Variants in HS6ST3 observed in about 807,000 individuals in gnomAD.
The protein encoded by HS6ST3 is heparan-sulfate 6-O-sulfotransferase 3.
Under a neutral mutation model 36.7 loss-of-function variants are expected in HS6ST3, and 12 were observed. That is an observed-to-expected ratio of 0.33 (90% CI 0.21 to 0.53). The LOEUF is 0.53. Ranked by LOEUF, HS6ST3 falls within the 20% of genes least tolerant of loss-of-function variation. HS6ST3 has a pLI of 0.95. For synonymous variants in HS6ST3, 240 were observed against 257.5 expected, an observed-to-expected ratio of 0.93 and a Z score of 0.65; for missense variants, 584 against 640.9, an observed-to-expected ratio of 0.91 and a Z score of 0.96.
At chr13:96,230,949 A>C (rs1346099807) in intron 1 of HS6ST3, among the ~76,000 whole-genome samples, 1 of 152,094 alleles carries the variant, frequency 6.6e-6, no homozygotes, top group Non-Finnish European at 1.5e-5. Flanking sequence ...AAATTGACAA[A>C]TATAGTGGTT....
At chr13:96,472,161 C>A (rs2055843026) in intron 1 of HS6ST3, among the ~76,000 whole-genome samples, 2 of 152,176 alleles carry the variant, frequency 1.3e-5, no homozygotes, top group Non-Finnish European at 2.9e-5. Context: ...ATTGCAAGTT[C>A]CTCTGGCAGT....
intron 1 of HS6ST3, among the ~76,000 whole-genome samples, chr13:96,220,715 G>A (rs767353307): frequency 3.3e-5 from 5 of 152,126 alleles, no homozygotes; most frequent in African/African-American, 7.2e-5. Context: ...TTAGATGGCT[G>A]AGCCCTATGA....
chr13:96,405,771 C>T (rs2055475241), intron 1 of HS6ST3, among the ~76,000 whole-genome samples: 1 of 152,142 alleles, frequency 6.6e-6, no homozygotes, highest in African/African-American at 2.4e-5. Context: ...GACAGGTTTG[C>T]AAGAACAGTA....
At chr13:96,372,549 T>C (rs1296664007) in intron 1 of HS6ST3, among the ~76,000 whole-genome samples, 1 of 152,140 alleles carries the variant, frequency 6.6e-6, no homozygotes, top group Non-Finnish European at 1.5e-5. Flanking sequence ...TCCAAAAAAA[T>C]GTATTGCCCA....
intron 1 of HS6ST3, among the ~76,000 whole-genome samples, chr13:96,096,424 T>A (rs2053791406): frequency 6.6e-6 from 1 of 152,236 alleles, no homozygotes; most frequent in African/African-American, 2.4e-5. Flanking sequence ...GGGGAAAGGG[T>A]TAGCCTGGAT....
chr13:96,174,143 A>G (rs16951620), intron 1 of HS6ST3, among the ~76,000 whole-genome samples: 3,964 of 152,274 alleles, frequency 0.026, 66 homozygotes, highest in East Asian at 0.056. Context: ...TTTATTTCCA[A>G]TGCAACTATT....
chr13:96,696,627 G>C (rs1455974830), intron 1 of HS6ST3, among the ~76,000 whole-genome samples: 1 of 152,172 alleles, frequency 6.6e-6, no homozygotes, highest in Non-Finnish European at 1.5e-5. Flanking sequence ...GTGTGTTTCC[G>C]GGAGGTCTGT....
chr13:96,141,814 A>C (rs937763284), intron 1 of HS6ST3, among the ~76,000 whole-genome samples: 3 of 152,154 alleles, frequency 2.0e-5, no homozygotes, highest in Admixed American at 2.0e-4. Context: ...TATGGAAAGA[A>C]TTGTCAACAC....
chr13:96,731,815 C>A (rs906048096), intron 1 of HS6ST3, among the ~76,000 whole-genome samples: 3 of 151,880 alleles, frequency 2.0e-5, no homozygotes, highest in African/African-American at 7.3e-5. Context: ...ACCACCACAC[C>A]CAGCTAAATG....
Position 96,534,099 on chromosome 13 carries a change from A to G in HS6ST3, c.708-298391A>G, listed in dbSNP as rs963063541. ...CTCAGACTCCAAGTTAGGGGGAAAT[A>G]AGACCACAGACACAGTTTTGTGGAC... On this transcript the variant is annotated intron_variant, in intron 1 of 1. Coordinates refer to ENST00000376705, the MANE Select transcript of HS6ST3 (RefSeq NM_153456.4). Among the ~76,000 whole-genome samples, 6 of 152,336 alleles carry G rather than the reference A, an allele frequency of 3.9e-5. No individual in the cohort carries two copies. In the East Asian group the frequency reaches 7.7e-4, roughly 20 times the overall value.
chr13:96,697,028 G>A (rs1421579309), intron 1 of HS6ST3, among the ~76,000 whole-genome samples: 4 of 151,886 alleles, frequency 2.6e-5, no homozygotes, highest in Admixed American at 6.6e-5. Context: ...CAGAAAATTC[G>A]GGAAACAGAT....
At chr13:96,319,760 G>T (rs938129061) in intron 1 of HS6ST3, among the ~76,000 whole-genome samples, 2 of 152,162 alleles carry the variant, frequency 1.3e-5, no homozygotes, top group Non-Finnish European at 2.9e-5. Context: ...TATGACTTTT[G>T]CAGGTGCATT....
rs547094846 is a variant in HS6ST3, at chr13:96,196,825, A to G, written c.707+105256A>G. On this transcript the variant is annotated intron_variant, in intron 1 of 1. Coordinates refer to ENST00000376705, the MANE Select transcript of HS6ST3 (RefSeq NM_153456.4). ...AAGACCCCACTATTTAGCTACTGAT[A>G]TTGCCATAGGGCAGAGAGATTTATT... is the stretch of plus-strand genomic sequence containing the variant. 6.6e-5 allele frequency among the ~76,000 whole-genome samples: 10 copies of G among 152,348 alleles called. No homozygotes were observed. In the East Asian group the frequency reaches 1.9e-3, roughly 29 times the overall value.
chr13:96,689,606 C>CTTTCTTTCTT (rs547289756), intron 1 of HS6ST3, among the ~76,000 whole-genome samples: 2 of 101,232 alleles, frequency 2.0e-5, no homozygotes, highest in African/African-American at 7.8e-5. Context: ...TTCTTTCTTT[C>CTTTCTTTCTT]TTTTTTTTTT....
chr13:96,410,960 C>A (rs1392756903), intron 1 of HS6ST3, among the ~76,000 whole-genome samples: 1 of 151,954 alleles, frequency 6.6e-6, no homozygotes, highest in African/African-American at 2.4e-5. Flanking sequence ...ATATGTTAAC[C>A]CTGGAGCTCA....
chr13:96,254,424 A>G (rs1171295140), intron 1 of HS6ST3, among the ~76,000 whole-genome samples: 3 of 17,930 alleles, frequency 1.7e-4, no homozygotes, highest in Non-Finnish European at 4.8e-4. Context: ...AGAAAAAAAA[A>G]AAAAAAAAAA....
intron 1 of HS6ST3, among the ~76,000 whole-genome samples, chr13:96,285,073 G>C (rs2054795303): frequency 6.6e-6 from 1 of 151,784 alleles, no homozygotes; most frequent in South Asian, 2.1e-4. Context: ...TTACTTATTA[G>C]TCTTGCACTT....
rs990317653 is a variant in HS6ST3 at position 96,334,411 on chromosome 13, A to G, written c.707+242842A>G. 5.3e-5 allele frequency among the ~76,000 whole-genome samples: 8 copies of G among 152,324 alleles called. No individual in the cohort carries two copies. The South Asian group carries it at 8.3e-4, about 16-fold the overall frequency. On this transcript the variant is annotated intron_variant, in intron 1 of 1. Coordinates refer to ENST00000376705, the MANE Select transcript of HS6ST3 (RefSeq NM_153456.4). ...CTCCCCAGAAGCAGATGCCAGCATT[A>G]TACCTCCTGTACAGCCTTCAGAACC... is the stretch of plus-strand genomic sequence containing the variant.
intron 1 of HS6ST3, among the ~76,000 whole-genome samples, chr13:96,640,193 A>G (rs1049077600): frequency 6.6e-6 from 1 of 152,002 alleles, no homozygotes; most frequent in Non-Finnish European, 1.5e-5. Context: ...TCAACAGCAT[A>G]TTAGTGTTCC....
Sources: allele counts gnomAD v4.1 joint callset (sites outside exome capture counted in the v4.1 genomes callset), GRCh38; gene constraint gnomAD v4.1.1; transcripts MANE v1.5; gene names NCBI Gene and HGNC (gene_info 2026-07-23, HGNC 2026-07-21).